The following LRP1B variants were observed in gnomAD, a reference collection of about 807,000 sequenced individuals.
The protein encoded by LRP1B is low-density lipoprotein receptor-related protein 1B.
LRP1B carries 217 observed loss-of-function variants against 556.6 expected under a neutral mutation model. That is an observed-to-expected ratio of 0.39 (90% CI 0.35 to 0.44). LRP1B has a LOEUF of 0.44. LRP1B is among the 20% of genes least tolerant of loss of function. The pLI, the probability that LRP1B is intolerant of heterozygous loss-of-function variation, is 1.00. For synonymous variants in LRP1B, 2,047 were observed against 1,865.8 expected (o/e 1.10, Z -2.50); for missense variants, 5,053 against 5,620.8 (o/e 0.90, Z 3.23).
intron 1 of LRP1B, among the ~76,000 whole-genome samples, chr2:141,998,324 A>G (rs2105130872): frequency 6.6e-6 from 1 of 152,300 alleles, no homozygotes. Flanking sequence ...AAACAAACAA[A>G]CAAACAAAAA....
At chr2:140,936,672 ATACTT>A (rs1695235111) in intron 20 of LRP1B, among the ~76,000 whole-genome samples, 2 of 151,744 alleles carry the variant, frequency 1.3e-5, no homozygotes, top group African/African-American at 4.8e-5. Context: ...GACTTGTACT[ATACTT>A]CTTGTTTCCT....
chr2:140,686,946 C>T lies in LRP1B; in HGVS notation c.6799+13304G>A, dbSNP rs574288141. Among the ~76,000 whole-genome samples the T allele has an allele frequency of 1.8e-4, 27 of 152,010 alleles. No individual in the cohort carries two copies. In the South Asian group the frequency reaches 5.6e-3, roughly 32 times the overall value. On this transcript the variant is annotated intron_variant, in intron 41 of 90. Coordinates refer to ENST00000389484, the MANE Select transcript of LRP1B (RefSeq NM_018557.3). ...GGTATTAAAAAAAATGGAATGTGGT[C>T]ATCACAGAATTAAATGAAGTATGTT...
chr2:141,855,245 G>A (rs1029481923), intron 1 of LRP1B, among the ~76,000 whole-genome samples: 6 of 151,840 alleles, frequency 4.0e-5, no homozygotes, highest in Non-Finnish European at 8.8e-5. Flanking sequence ...GATGTAACAG[G>A]TTTCTTTTTA....
At chr2:141,604,566 T>C (rs1203311874) in intron 2 of LRP1B, among the ~76,000 whole-genome samples, 1 of 152,172 alleles carries the variant, frequency 6.6e-6, no homozygotes, top group African/African-American at 2.4e-5. Flanking sequence ...CATTTTCTTC[T>C]GATTGATCCT....
chr2:140,812,184 G>A (rs561466179), intron 32 of LRP1B, among the ~76,000 whole-genome samples: 1 of 152,066 alleles, frequency 6.6e-6, no homozygotes, highest in Non-Finnish European at 1.5e-5. Flanking sequence ...AGTGCTTTAA[G>A]GACCAAATTA....
intron 23 of LRP1B, among the ~76,000 whole-genome samples, chr2:140,896,431 G>A (rs1051780411): frequency 2.0e-5 from 3 of 152,076 alleles, no homozygotes; most frequent in African/African-American, 7.2e-5. Context: ...ATAAAAAAAA[G>A]ATGAGAGAAC....
intron 3 of LRP1B, among the ~76,000 whole-genome samples, chr2:141,454,705 C>T (rs1404358260): frequency 9.8e-6 from 1 of 102,416 alleles, no homozygotes; most frequent in African/African-American, 4.2e-5. Flanking sequence ...AGCCTTTATA[C>T]TTTTTCTTTC....
intron 6 of LRP1B, among the ~76,000 whole-genome samples, chr2:141,217,228 C>T (rs1682850616): frequency 6.6e-6 from 1 of 152,118 alleles, no homozygotes; most frequent in Admixed American, 6.5e-5. Context: ...TGAGTTCTCT[C>T]AAGATCTAGT....
chr2:142,008,363 C>T (rs945387520), intron 1 of LRP1B, among the ~76,000 whole-genome samples: 2 of 152,186 alleles, frequency 1.3e-5, no homozygotes, highest in Non-Finnish European at 2.9e-5. Context: ...TGCCTCAGGG[C>T]CTGGACCTCT....
At position 141,469,725 on chromosome 2, in the gene LRP1B, A is replaced by T. The variant is rs147587460; in HGVS notation, c.343+10671T>A. ...AGAATTTGTAAGATTTACTAGAATG[A>T]CAGATTAGGCTCAACAGATCTCAAG... On this transcript the variant is annotated intron_variant, in intron 3 of 90. Transcript: ENST00000389484. 3.9e-3 allele frequency among the ~76,000 whole-genome samples: 598 copies of T among 152,314 alleles called. 10 individuals are homozygous for T. Among genetic ancestry groups the T allele is most frequent in the African/African-American group, 0.013 (531 of 41,568 alleles).
chr2:140,819,430 A>T (rs1573760950), intron 31 of LRP1B, among the ~76,000 whole-genome samples: 1 of 152,314 alleles, frequency 6.6e-6, no homozygotes, highest in African/African-American at 2.4e-5. Context: ...GGGAGTAAAT[A>T]TTTGCAATCC....
intron 31 of LRP1B, among the ~76,000 whole-genome samples, chr2:140,827,603 G>A (rs1047300660): frequency 7.3e-5 from 11 of 151,678 alleles, no homozygotes; most frequent in African/African-American, 2.7e-4. Flanking sequence ...AAGAAATGAA[G>A]AACACCTGCA....
At chr2:141,940,351 TACTA>T (rs1371997004) in intron 1 of LRP1B, among the ~76,000 whole-genome samples, 1 of 152,182 alleles carries the variant, frequency 6.6e-6, no homozygotes, top group Non-Finnish European at 1.5e-5. Flanking sequence ...TTCAATGACG[TACTA>T]ACTAATGAAT....
intron 2 of LRP1B, among the ~76,000 whole-genome samples, chr2:141,491,599 C>T (rs1683337240): frequency 6.6e-6 from 1 of 152,048 alleles, no homozygotes; most frequent in Non-Finnish European, 1.5e-5. Context: ...TGTTAAAAGA[C>T]TAATGTCTGA....
At chr2:141,611,827 G>A (rs189706779) in intron 2 of LRP1B, among the ~76,000 whole-genome samples, 69 of 152,308 alleles carry the variant, frequency 4.5e-4, no homozygotes, top group African/African-American at 1.5e-3. Context: ...AAATGAAAAG[G>A]TCTGATAAGC....
chr2:140,913,213 T>C (rs1694474960), intron 21 of LRP1B, among the ~76,000 whole-genome samples: 2 of 151,920 alleles, frequency 1.3e-5, no homozygotes, highest in South Asian at 2.1e-4. Context: ...TTGACAAATG[T>C]TTTTTGAGTA....
intron 1 of LRP1B, among the ~76,000 whole-genome samples, chr2:141,910,792 AT>A (rs921774523): frequency 5.9e-5 from 9 of 151,988 alleles, no homozygotes; most frequent in Non-Finnish European, 1.0e-4. Flanking sequence ...TTGCTTTTCA[AT>A]TTTTTTTAAA....
At chr2:141,442,732 G>A (rs567358164) in intron 3 of LRP1B, among the ~76,000 whole-genome samples, 5 of 152,052 alleles carry the variant, frequency 3.3e-5, no homozygotes, top group South Asian at 2.1e-4. Flanking sequence ...TTCCAGCTTC[G>A]TCCATGTCCC....
intron 3 of LRP1B, among the ~76,000 whole-genome samples, chr2:141,351,302 T>G (rs1038575309): frequency 2.0e-5 from 3 of 152,066 alleles, no homozygotes; most frequent in Non-Finnish European, 4.4e-5. Flanking sequence ...GTGTCTAAGA[T>G]TTCTTCCAAC....
Sources: allele counts gnomAD v4.1 joint callset (sites outside exome capture counted in the v4.1 genomes callset), GRCh38; gene constraint gnomAD v4.1.1; transcripts MANE v1.5; gene names NCBI Gene and HGNC (gene_info 2026-07-23, HGNC 2026-07-21).